SHOX: variants seen among roughly 807,000 people sequenced by gnomAD.
SHOX encodes short stature homeobox protein.
A neutral mutation model predicts 29.6 loss-of-function variants in SHOX; 12 were observed. That is an observed-to-expected ratio of 0.41 (90% CI 0.26 to 0.66). The LOEUF (loss-of-function observed/expected upper bound fraction) is 0.66. SHOX is among the 30% of genes least tolerant of loss of function. The pLI is 0.35. For missense variants in SHOX, 499 were observed against 437.7 expected, an observed-to-expected ratio of 1.14 and a Z score of -1.25; for synonymous variants, 214 against 200.6, an observed-to-expected ratio of 1.07 and a Z score of -0.57.
chrX:644,396 G>C lies in SHOX; in HGVS notation c.639G>C (p.Gln213His), dbSNP rs962604174. The stretch of plus-strand genomic sequence containing the variant: ...CGCCGGGTCCGCTCCCGCAGGTCCA[G>C]GCTCAGCTGCAGCTGGAAGGCGTGG... Reference protein sequence around the residue: ...GALRMPFQQVQAQLQLEGVAH... With the variant: ...GALRMPFQQVHAQLQLEGVAH... Residue 213 changes from glutamine to histidine, a missense_variant, in exon 5 of 5, where the codon CAG becomes CAC. Transcript: ENST00000686671. 5 of 1,522,702 alleles carry C rather than the reference G, an allele frequency of 3.3e-6. No homozygotes were observed. In the South Asian group the frequency reaches 3.6e-5, roughly 11 times the overall value. 94.3% of individuals were successfully genotyped at this position (1,522,702 alleles called of 1,614,324 possible).
chrX:632,978 A>G (rs1235803775), intron 1 of SHOX, among the ~76,000 whole-genome samples: 2 of 152,064 alleles, frequency 1.3e-5, no homozygotes, highest in African/African-American at 4.8e-5. Context: ...CGGGAGAGCA[A>G]AGTGTCCTCC....
At chrX:640,946 G>A in intron 3 of SHOX, 53 bp from the exon 4 acceptor site, 1 of 1,613,444 alleles carries the variant, frequency 6.2e-7, no homozygotes, top group Non-Finnish European at 8.5e-7. Flanking sequence ...GGTCGACGAG[G>A]TGCTGGCTAC....
At position 650,791 on chromosome X, in the gene SHOX, T is replaced by TAAA. The variant is rs1569495959; in HGVS notation, c.*6155_*6156insAAA. On this transcript the variant is annotated 3_prime_UTR_variant, in exon 5 of 5. Transcript: ENST00000686671. ...AGGCTTTCGGTGGACACGTTTGACA[T>TAAA]TAAAAAAAAAAAAAAAAAAAAAAAA... Among the ~76,000 whole-genome samples, 196 of 29,866 alleles carry TAAA rather than the reference T, an allele frequency of 6.6e-3. 5 individuals are homozygous for TAAA. Among genetic ancestry groups the TAAA allele is most frequent in the African/African-American group, 0.02 (168 of 8,430 alleles). 19.6% of individuals were successfully genotyped at this position (29,866 alleles called of 152,430 possible). A position where few individuals can be genotyped will look rare whatever the true frequency, so the allele number is the denominator to read the frequency against.
intron 2 of SHOX, among the ~76,000 whole-genome samples, chrX:639,399 C>G (rs1252415216): frequency 7.0e-6 from 1 of 142,932 alleles, no homozygotes; most frequent in Non-Finnish European, 1.5e-5. Context: ...AGGGCAAAGA[C>G]ACTTCCGAGG....
intron 2 of SHOX, among the ~76,000 whole-genome samples, chrX:638,986 T>G (rs545231244): frequency 6.6e-6 from 1 of 151,120 alleles, no homozygotes; most frequent in Non-Finnish European, 1.5e-5. Flanking sequence ...GAGGTGGTGG[T>G]GGGGGAGAGG....
rs1455197082 is a variant in SHOX, at chrX:630,819, C to T, written c.-79C>T. 1.3e-6 allele frequency: 2 copies of T among 1,558,142 alleles called. No homozygotes were observed. Among genetic ancestry groups the T allele is most frequent in the Admixed American group, 1.7e-5 (1 of 58,584 alleles). The stretch of plus-strand genomic sequence containing the variant: ...AATAACAGCGCTGGTGATCCACCCG[C>T]GCGCACGGGCCGTCCTCTCCGCGCG... On this transcript the variant is annotated 5_prime_UTR_variant, in exon 1 of 5. Coordinates refer to ENST00000686671, the MANE Select transcript of SHOX (RefSeq NM_000451.4).
At position 643,102 on chromosome X, in the gene SHOX, G is replaced by A. The variant is rs1169646202; in HGVS notation, c.634-1289G>A. Among the ~76,000 whole-genome samples, 4 of 150,418 alleles carry A rather than the reference G, an allele frequency of 2.7e-5. No homozygotes were observed. In the South Asian group the frequency reaches 6.4e-4, roughly 24 times the overall value. Reference sequence around the variant, plus strand: ...GCCTTGGGGACCTGGTGTCCTGGGAGAGGCTTGGGGACCTGGTGACCTTGG... The same window carrying A: ...GCCTTGGGGACCTGGTGTCCTGGGAAAGGCTTGGGGACCTGGTGACCTTGG... On this transcript the variant is annotated intron_variant, in intron 4 of 4. Coordinates refer to ENST00000686671, the MANE Select transcript of SHOX (RefSeq NM_000451.4).
upstream of SHOX, among the ~76,000 whole-genome samples, chrX:629,467 CTCTG>C (rs763745938): frequency 2.5e-4 from 38 of 151,984 alleles, 2 homozygotes; most frequent in South Asian, 7.3e-3. Context: ...CTCCCTTTCT[CTCTG>C]TCTTTCCTTG....
chrX:658,846 C>G (rs1163995078), exon 6 of SHOX: 8 of 376,660 alleles, frequency 2.1e-5, no homozygotes, highest in South Asian at 8.1e-5. Flanking sequence ...CTCACTGCAA[C>G]CTCCGCCTCC....
At chrX:634,526 G>A in intron 1 of SHOX, 92 bp from the exon 2 acceptor site, 3 of 1,369,466 alleles carry the variant, frequency 2.2e-6, no homozygotes, top group Non-Finnish European at 3.1e-6. Context: ...GTTTTCGAGG[G>A]CCCCCTTTCC....
At chrX:634,411 A>G (rs1197573134) in intron 1 of SHOX, among the ~76,000 whole-genome samples, 3 of 152,214 alleles carry the variant, frequency 2.0e-5, no homozygotes, top group Admixed American at 6.5e-5. Context: ...GATGAGGCCA[A>G]GAAAACAACG....
Position 645,663 on chromosome X carries a change from A to G in SHOX, c.*1027A>G, listed in dbSNP as rs1001828667. On this transcript the variant is annotated 3_prime_UTR_variant, in exon 5 of 5. Transcript: ENST00000686671. ...TGGCCACTGAGGGCCCTTTGCAAAA[A>G]TCACGGGTGTAGAGATGGCCCTGGG... The G allele has an allele frequency of 2.0e-5, 3 of 152,026 alleles. No individual in the cohort carries two copies. Among genetic ancestry groups the G allele is most frequent in the African/African-American group, 7.2e-5 (3 of 41,406 alleles). The allele number at this position is 152,026 out of a possible 1,614,324, so 9.4% of individuals were successfully genotyped here.
At chrX:626,791 GTATCTC>G (rs2052546438), upstream of SHOX, among the ~76,000 whole-genome samples, 4 of 120,908 alleles carry the variant, frequency 3.3e-5, no homozygotes, top group African/African-American at 1.4e-4. Context: ...CTCTGTCTCT[GTATCTC>G]TATCTCTGTC....
rs1041655715 is a variant in SHOX at position 650,792 on chromosome X, T to TAAAAAAAAA, written c.*6175_*6183dup. 0.034 allele frequency among the ~76,000 whole-genome samples: 1,736 copies of TAAAAAAAAA among 50,728 alleles called. 218 individuals are homozygous for TAAAAAAAAA. The highest frequency in any genetic ancestry group is 0.054 in the Non-Finnish European group (1,468 of 26,992). The allele number at this position is 50,728 out of a possible 152,430, so 33.3% of individuals were successfully genotyped here. On this transcript the variant is annotated 3_prime_UTR_variant, in exon 5 of 5. Coordinates refer to ENST00000686671, the MANE Select transcript of SHOX (RefSeq NM_000451.4). ...GGCTTTCGGTGGACACGTTTGACATTAAAAAAAAAAAAAAAAAAAAAAAAA... is the reference window on the plus strand; with the variant it reads ...GGCTTTCGGTGGACACGTTTGACATTAAAAAAAAAAAAAAAAAAAAAAAAAAAAAAAAAA...
In SHOX at chrX:630,934, G is replaced by A. The variant is rs1469223043; in HGVS notation, c.37G>A (p.Asp13Asn). The change falls in exon 1 of 5, where the codon GAC (aspartate) becomes AAC (asparagine). Residue 13 changes from aspartate (D) to asparagine (N), a missense_variant. By Grantham distance (23) the Asp-to-Asn change is conservative. Coordinates refer to ENST00000686671, the MANE Select transcript of SHOX (RefSeq NM_000451.4). ...ELTAFVSKSF[D>N]QKSKDGNGGG... ...CACGGCTTTTGTATCCAAGTCTTTT[G>A]ACCAGAAAAGCAAGGACGGTAACGG... 6.2e-7 allele frequency: 1 copy of A among 1,613,754 alleles called. No individual in the cohort carries two copies. Among genetic ancestry groups the A allele is most frequent in the East Asian group, 2.2e-5 (1 of 44,856 alleles).
At chrX:653,153 A>G (rs892369716), downstream of SHOX, among the ~76,000 whole-genome samples, 1 of 152,204 alleles carries the variant, frequency 6.6e-6, no homozygotes, top group African/African-American at 2.4e-5. Context: ...AGGCAGGAGA[A>G]TCGCTTGGAC....
At chrX:653,331 G>A (rs1052201456), downstream of SHOX, among the ~76,000 whole-genome samples, 9 of 152,156 alleles carry the variant, frequency 5.9e-5, no homozygotes, top group African/African-American at 2.2e-4. Context: ...TGTTTTACGT[G>A]GTTTGAGAGA....
At position 647,068 on chromosome X, in the gene SHOX, C is replaced by G. The variant is rs1165503563; in HGVS notation, c.*2432C>G. The stretch of plus-strand genomic sequence containing the variant: ...GAGTAGAAAGACATCTACCTGGTCC[C>G]TGTAGAATCTGAACGTTTCTCTTTA... On this transcript the variant is annotated 3_prime_UTR_variant, in exon 5 of 5. Transcript: ENST00000686671. Among the ~76,000 whole-genome samples, 1 of 152,194 alleles carries G rather than the reference C, an allele frequency of 6.6e-6. No homozygotes were observed. The highest frequency in any genetic ancestry group is 2.4e-5 in the African/African-American group (1 of 41,442).
upstream of SHOX, among the ~76,000 whole-genome samples, chrX:629,808 C>G (rs1371501465): frequency 6.6e-6 from 1 of 152,180 alleles, no homozygotes; most frequent in Non-Finnish European, 1.5e-5. Flanking sequence ...CGTTTGGTTT[C>G]CAGGACTTGG....
Sources: gnomAD v4.1 joint callset for allele counts (sites outside exome capture counted in the v4.1 genomes callset) on GRCh38, gnomAD v4.1.1 for gene constraint, MANE v1.5 for transcripts, NCBI Gene and HGNC (gene_info 2026-07-23, HGNC 2026-07-21) for gene names.